Variants in GALNTL6 observed in about 807,000 individuals in gnomAD.
GALNTL6 encodes the protein polypeptide N-acetylgalactosaminyltransferase-like 6.
Under a neutral mutation model 73.7 loss-of-function variants are expected in GALNTL6, and 46 were observed. The ratio of observed to expected loss-of-function variants is 0.62; its 90% confidence interval spans 0.49 to 0.80. The LOEUF is 0.80. Ranked by LOEUF, GALNTL6 falls within the 30% of genes least tolerant of loss-of-function variation. GALNTL6 has a pLI of 0.00. For synonymous variants in GALNTL6, 259 were observed against 263.7 expected (o/e 0.98, Z 0.17); for missense variants, 604 against 755.0 (o/e 0.80, Z 2.34).
chr4:173,004,438 C>T (rs1752182276), intron 10 of GALNTL6, among the ~76,000 whole-genome samples: 1 of 152,084 alleles, frequency 6.6e-6, no homozygotes, highest in Admixed American at 6.5e-5. Flanking sequence ...ACCAGCCTGC[C>T]CAACATGATG....
chr4:171,918,598 A>T (rs891454746), intron 2 of GALNTL6, among the ~76,000 whole-genome samples: 3 of 152,156 alleles, frequency 2.0e-5, no homozygotes, highest in Admixed American at 6.6e-5. Context: ...TCCTCAAAAA[A>T]TTTTAAAATA....
At chr4:172,057,370 C>T (rs1274202776) in intron 2 of GALNTL6, among the ~76,000 whole-genome samples, 1 of 151,126 alleles carries the variant, frequency 6.6e-6, no homozygotes, top group Non-Finnish European at 1.5e-5. Context: ...ATTTAGAAGG[C>T]GAGACTAGAA....
intron 5 of GALNTL6, among the ~76,000 whole-genome samples, chr4:172,704,786 TG>T (rs1160392002): frequency 6.6e-6 from 1 of 151,988 alleles, no homozygotes; most frequent in Admixed American, 6.6e-5. Flanking sequence ...AAAAATGGGA[TG>T]TGGAAGTCTT....
intron 3 of GALNTL6, among the ~76,000 whole-genome samples, chr4:172,278,316 G>A (rs1738906467): frequency 6.6e-6 from 1 of 152,192 alleles, no homozygotes; most frequent in Admixed American, 6.5e-5. Context: ...TTTCATTTGT[G>A]TAGTTTTCTT....
At chr4:171,890,630 C>G (rs993216640) in intron 2 of GALNTL6, among the ~76,000 whole-genome samples, 2 of 152,020 alleles carry the variant, frequency 1.3e-5, no homozygotes, top group Admixed American at 1.3e-4. Flanking sequence ...TTGCAATAAG[C>G]ATTATAATTT....
In GALNTL6 at chr4:172,542,132, C is replaced by T. The variant is rs144837060; in HGVS notation, c.553+193443C>T. ...ACAGCTTTATAGAGAAAGGGATCTC[C>T]AAGCAGAAAGGACCGGCTGGCGGCA... On this transcript the variant is annotated intron_variant, in intron 5 of 12. Coordinates refer to ENST00000506823, the MANE Select transcript of GALNTL6 (RefSeq NM_001034845.3). Among the ~76,000 whole-genome samples, 52 of 151,608 alleles carry T rather than the reference C, an allele frequency of 3.4e-4. 1 individual carries two copies. In the East Asian group the frequency reaches 0.01, roughly 29 times the overall value.
chr4:172,583,692 G>A (rs1160077833), intron 5 of GALNTL6, among the ~76,000 whole-genome samples: 2 of 151,938 alleles, frequency 1.3e-5, no homozygotes, highest in African/African-American at 2.4e-5. Flanking sequence ...ACGATGTCAG[G>A]AGTTCGAGAC....
intron 8 of GALNTL6, among the ~76,000 whole-genome samples, chr4:172,904,575 A>AGT (rs1746788173): frequency 6.6e-6 from 1 of 152,152 alleles, no homozygotes; most frequent in East Asian, 1.9e-4. Flanking sequence ...TGTGTGCTTC[A>AGT]GTGATGAGTC....
chr4:172,389,970 C>T (rs752130304), intron 5 of GALNTL6, among the ~76,000 whole-genome samples: 56 of 151,006 alleles, frequency 3.7e-4, no homozygotes, highest in Non-Finnish European at 6.2e-4. Context: ...TTTAATTTAG[C>T]GACAGATCCA....
intron 11 of GALNTL6, 27 bp downstream of exon 11, chr4:173,009,321 A>C: frequency 7.6e-7 from 1 of 1,309,912 alleles, no homozygotes; most frequent in Non-Finnish European, 1.1e-6. Context: ...AAGCCAGGGC[A>C]GTGGGAACCA....
chr4:172,628,011 T>C (rs1054705865), intron 5 of GALNTL6, among the ~76,000 whole-genome samples: 4 of 152,114 alleles, frequency 2.6e-5, no homozygotes, highest in Non-Finnish European at 4.4e-5. Flanking sequence ...TCAGTTCTGC[T>C]CTGTGAGTTT....
intron 5 of GALNTL6, among the ~76,000 whole-genome samples, chr4:172,382,057 C>T (rs1483923125): frequency 6.6e-6 from 1 of 152,208 alleles, no homozygotes; most frequent in Non-Finnish European, 1.5e-5. Flanking sequence ...GCAACTTCCA[C>T]CTCCTGGGTT....
At chr4:172,414,199 T>A (rs148153429) in intron 5 of GALNTL6, among the ~76,000 whole-genome samples, 19 of 152,292 alleles carry the variant, frequency 1.2e-4, no homozygotes, top group Middle Eastern at 3.4e-3. Flanking sequence ...TGGCTTATCA[T>A]TGATTAGCTC....
intron 10 of GALNTL6, among the ~76,000 whole-genome samples, chr4:172,974,581 G>A (rs1750724731): frequency 6.6e-6 from 1 of 152,138 alleles, no homozygotes; most frequent in Admixed American, 6.5e-5. Context: ...GGATCCTTGG[G>A]GTGTTGTTTT....
chr4:172,666,457 A>G (rs775859084), intron 5 of GALNTL6, among the ~76,000 whole-genome samples: 4 of 152,146 alleles, frequency 2.6e-5, no homozygotes, highest in Non-Finnish European at 5.9e-5. Flanking sequence ...AAAAACTATC[A>G]CAAAAGATTG....
intron 2 of GALNTL6, among the ~76,000 whole-genome samples, chr4:172,167,344 A>G (rs986772781): frequency 6.6e-6 from 1 of 152,236 alleles, no homozygotes; most frequent in Non-Finnish European, 1.5e-5. Context: ...AAAGGCATGT[A>G]TAATAATTTA....
chr4:171,851,752 CTT>C (rs1331341254), intron 2 of GALNTL6, among the ~76,000 whole-genome samples: 7 of 152,150 alleles, frequency 4.6e-5, no homozygotes, highest in Non-Finnish European at 1.0e-4. Flanking sequence ...TTTTATTCAT[CTT>C]TGTGTCTGAA....
intron 7 of GALNTL6, among the ~76,000 whole-genome samples, chr4:172,842,129 C>G (rs998949318): frequency 8.5e-5 from 13 of 152,214 alleles, no homozygotes; most frequent in Non-Finnish European, 1.6e-4. Flanking sequence ...GTTCTCAAAT[C>G]TAGCATTTCT....
chr4:172,000,779 T>C (rs1043562240), intron 2 of GALNTL6, among the ~76,000 whole-genome samples: 1 of 152,122 alleles, frequency 6.6e-6, no homozygotes, highest in Non-Finnish European at 1.5e-5. Flanking sequence ...ATCCAGACTA[T>C]TGGAGGAGCT....
Sources: allele counts gnomAD v4.1 joint callset (sites outside exome capture counted in the v4.1 genomes callset), GRCh38; gene constraint gnomAD v4.1.1; transcripts MANE v1.5; gene names NCBI Gene and HGNC (gene_info 2026-07-23, HGNC 2026-07-21).